Variants in IL15 observed in about 807,000 individuals in gnomAD.
IL15 encodes the protein interleukin 15.
IL15 carries 11 observed loss-of-function variants against 19.6 expected under a neutral mutation model. The ratio of observed to expected loss-of-function variants is 0.56; its 90% CI spans 0.35 to 0.93. The LOEUF (loss-of-function observed/expected upper bound fraction) is 0.93. IL15 is among the 40% of genes least tolerant of loss of function. The probability of loss-of-function intolerance (pLI) is 0.01; values close to 1 mark genes in which losing one functional copy is unlikely to be tolerated. For synonymous variants in IL15, 58 were observed against 59.6 expected (o/e 0.97, Z 0.12); for missense variants, 197 against 186.5 (o/e 1.06, Z -0.33).
At chr4:141,666,586 T>C (rs909361978) in intron 2 of IL15, among the ~76,000 whole-genome samples, 5 of 152,026 alleles carry the variant, frequency 3.3e-5, no homozygotes, top group African/African-American at 1.2e-4. Context: ...TCAAGCTATC[T>C]ATCTATCTCA....
intron 2 of IL15, among the ~76,000 whole-genome samples, chr4:141,708,756 C>T (rs1729607494): frequency 6.6e-6 from 1 of 152,132 alleles, no homozygotes; most frequent in Non-Finnish European, 1.5e-5. Flanking sequence ...TGCTCTCCAG[C>T]ATACTTCCTC....
intron 2 of IL15, among the ~76,000 whole-genome samples, chr4:141,664,341 A>AC (rs1727892941): frequency 3.2e-5 from 4 of 126,398 alleles, no homozygotes; most frequent in Non-Finnish European, 6.7e-5. Flanking sequence ...TTGGTGGGCA[A>AC]AACACACACA....
chr4:141,733,701 C>T lies in IL15; in HGVS notation c.*853C>T, dbSNP rs897424219. The T allele has an allele frequency of 6.6e-6, 1 of 151,828 alleles. No individual in the cohort carries two copies. The highest frequency in any genetic ancestry group is 1.5e-5 in the Non-Finnish European group (1 of 67,942). 9.4% of individuals were successfully genotyped at this position (151,828 alleles called of 1,614,324 possible). A position where few individuals can be genotyped will look rare whatever the true frequency, so the allele number is the denominator to read the frequency against. On this transcript the variant is annotated 3_prime_UTR_variant, in exon 8 of 8. Coordinates refer to ENST00000320650, the MANE Select transcript of IL15 (RefSeq NM_000585.5). ...ACAATTCTTCTTATTCCAATGTGGC[C>T]CAGGGAAATCAAAAGATTGGATGCC...
chr4:141,724,206 A>G (rs974401378), intron 5 of IL15, among the ~76,000 whole-genome samples: 12 of 152,064 alleles, frequency 7.9e-5, no homozygotes, highest in Non-Finnish European at 1.5e-4. Context: ...TAAATACTAT[A>G]CCTCTATATA....
chr4:141,655,759 A>T (rs1727570314), intron 1 of IL15, among the ~76,000 whole-genome samples: 2 of 152,170 alleles, frequency 1.3e-5, no homozygotes, highest in African/African-American at 4.8e-5. Context: ...TTGCCACTTC[A>T]CTTTTAGAAT....
At chr4:141,715,506 T>C (rs1579046296) in intron 2 of IL15, 1 of 152,212 alleles carries the variant, frequency 6.6e-6, no homozygotes, top group African/African-American at 2.4e-5. Context: ...ATAAAATACA[T>C]AATTATAATA....
rs1320831974 is a variant in IL15, at chr4:141,733,949, G to A, written c.*1101G>A. The A allele has an allele frequency of 6.6e-6, 1 of 152,160 alleles. No individual in the cohort carries two copies. Among genetic ancestry groups the A allele is most frequent in the Non-Finnish European group, 1.5e-5 (1 of 68,024 alleles). The allele number at this position is 152,160 out of a possible 1,614,324, so 9.4% of individuals were successfully genotyped here. On this transcript the variant is annotated 3_prime_UTR_variant, in exon 8 of 8. Coordinates refer to ENST00000320650, the MANE Select transcript of IL15 (RefSeq NM_000585.5). ...CTTCTAATGGAACTGTAAGAAAGAT[G>A]AAATATTTTTGTTTTATTATAAATT...
chr4:141,688,012 G>A (rs905771830), intron 2 of IL15, among the ~76,000 whole-genome samples: 1 of 152,192 alleles, frequency 6.6e-6, no homozygotes, highest in Non-Finnish European at 1.5e-5. Context: ...CAAGACGACA[G>A]TTCTCTCTGG....
intron 2 of IL15, among the ~76,000 whole-genome samples, chr4:141,710,564 T>C (rs1373964139): frequency 1.3e-5 from 2 of 152,184 alleles, no homozygotes; most frequent in Non-Finnish European, 2.9e-5. Flanking sequence ...GAAATATAGT[T>C]TATTTACATC....
At chr4:141,668,691 T>C (rs1264809790) in intron 2 of IL15, among the ~76,000 whole-genome samples, 7 of 152,238 alleles carry the variant, frequency 4.6e-5, no homozygotes, top group Admixed American at 2.6e-4. Flanking sequence ...CTAGCTGATA[T>C]GCCAACTTGC....
chr4:141,719,174 G>A, intron 2 of IL15, 192 bp from the exon 3 acceptor site: 1 of 292,448 alleles, frequency 3.4e-6, no homozygotes, highest in Non-Finnish European at 6.3e-6. Context: ...TACTTGCTAT[G>A]GGCCTAGAGT....
At chr4:141,677,960 G>A (rs1276306955) in intron 2 of IL15, among the ~76,000 whole-genome samples, 1 of 152,160 alleles carries the variant, frequency 6.6e-6, no homozygotes, top group Admixed American at 6.6e-5. Context: ...AGAGTTAGAG[G>A]TCAAGCCTGG....
At chr4:141,716,509 G>A (rs1320674489) in intron 2 of IL15, 4 of 152,430 alleles carry the variant, frequency 2.6e-5, no homozygotes, top group Non-Finnish European at 5.9e-5. Context: ...GAATACAAGA[G>A]CTGAGGGGGC....
intron 2 of IL15, among the ~76,000 whole-genome samples, chr4:141,673,225 C>T (rs1728232654): frequency 6.6e-6 from 1 of 152,176 alleles, no homozygotes; most frequent in Non-Finnish European, 1.5e-5. Flanking sequence ...TAGAAAATCT[C>T]ATTTTTGAAT....
rs1578983145 is a variant in IL15 at position 141,643,354 on chromosome 4, G to A, written c.-222+6606G>A. ...GCTTTTTTCTGCCCACATTTTACAG[G>A]AAAACTTACAACCTTAACTATATTC... On this transcript the variant is annotated intron_variant, in intron 1 of 7. Transcript: ENST00000320650. Among the ~76,000 whole-genome samples the A allele has an allele frequency of 3.3e-5, 5 of 152,002 alleles. No homozygotes were observed. In the East Asian group the frequency reaches 9.7e-4, roughly 29 times the overall value.
intron 2 of IL15, among the ~76,000 whole-genome samples, chr4:141,695,446 A>G (rs1299998353): frequency 3.3e-5 from 5 of 152,124 alleles, no homozygotes; most frequent in Non-Finnish European, 5.9e-5. Flanking sequence ...TCCATTGTGA[A>G]TATATATCAC....
chr4:141,654,544 G>A (rs1727522900), intron 1 of IL15, among the ~76,000 whole-genome samples: 1 of 152,138 alleles, frequency 6.6e-6, no homozygotes, highest in Non-Finnish European at 1.5e-5. Flanking sequence ...AAGTTCTTTA[G>A]AGTTTATAAC....
At chr4:141,710,203 C>T (rs1177269813) in intron 2 of IL15, among the ~76,000 whole-genome samples, 1 of 152,074 alleles carries the variant, frequency 6.6e-6, no homozygotes, top group Non-Finnish European at 1.5e-5. Context: ...GTTATTGGCC[C>T]CTGGGGCAGG....
chr4:141,703,540 C>G (rs760189098), intron 2 of IL15, among the ~76,000 whole-genome samples: 1 of 152,120 alleles, frequency 6.6e-6, no homozygotes, highest in Non-Finnish European at 1.5e-5. Flanking sequence ...TCTCCTGTGG[C>G]CTGGATTTTC....
Sources: gnomAD v4.1 joint callset for allele counts (sites outside exome capture counted in the v4.1 genomes callset) on GRCh38, gnomAD v4.1.1 for gene constraint, MANE v1.5 for transcripts, NCBI Gene and HGNC (gene_info 2026-07-23, HGNC 2026-07-21) for gene names.